Variants in MOBP observed in about 807,000 individuals in gnomAD.
The protein encoded by MOBP is myelin-associated oligodendrocyte basic protein.
In MOBP, 5 loss-of-function variants were observed where a neutral mutation model predicts 15.0. The ratio of observed to expected loss-of-function variants is 0.33; its 90% confidence interval spans 0.17 to 0.70. The LOEUF (loss-of-function observed/expected upper bound fraction) is 0.70. MOBP is among the 30% of genes least tolerant of loss of function. MOBP has a pLI of 0.67. For synonymous variants in MOBP, 88 were observed against 99.0 expected (o/e 0.89, Z 0.66); for missense variants, 188 against 257.8 (o/e 0.73, Z 1.85).
chr3:39,516,808 T>A (rs1158213356), downstream of MOBP, among the ~76,000 whole-genome samples: 1 of 152,140 alleles, frequency 6.6e-6, no homozygotes, highest in Non-Finnish European at 1.5e-5. Flanking sequence ...GAGAAAGAAA[T>A]GCAGAGTCTA....
chr3:39,510,770 C>T (rs527479728), intron 4 of MOBP, among the ~76,000 whole-genome samples: 1 of 152,230 alleles, frequency 6.6e-6, no homozygotes, highest in Admixed American at 6.5e-5. Flanking sequence ...TTTTTCTTTT[C>T]AATCTGTATG....
downstream of MOBP, among the ~76,000 whole-genome samples, chr3:39,506,039 G>A (rs1470198034): frequency 2.0e-5 from 3 of 151,980 alleles, no homozygotes; most frequent in Non-Finnish European, 4.4e-5. Flanking sequence ...GCATTCATTC[G>A]CTGATGAGGC....
At chr3:39,473,471 G>T (rs758254452) in intron 1 of MOBP, among the ~76,000 whole-genome samples, 1 of 152,318 alleles carries the variant, frequency 6.6e-6, no homozygotes, top group South Asian at 2.1e-4. Context: ...AGCAGGAGAG[G>T]CGTGCTTAAG....
At chr3:39,474,580 A>G (rs948612984) in intron 1 of MOBP, among the ~76,000 whole-genome samples, 4 of 152,212 alleles carry the variant, frequency 2.6e-5, no homozygotes, top group African/African-American at 2.4e-5. Context: ...ATGTTGTTAT[A>G]TGGCAGACGA....
intron 2 of MOBP, among the ~76,000 whole-genome samples, chr3:39,486,497 A>G (rs927896921): frequency 8.5e-5 from 13 of 152,288 alleles, no homozygotes; most frequent in African/African-American, 2.9e-4. Flanking sequence ...ATACATATGT[A>G]TAGTATATAT....
exon 5 of MOBP, chr3:39,513,978 A>C (rs1255359290): frequency 6.5e-6 from 1 of 153,056 alleles, no homozygotes; most frequent in Non-Finnish European, 1.5e-5. Context: ...GGAAGATCCA[A>C]GTTATTTTCT....
downstream of MOBP, among the ~76,000 whole-genome samples, chr3:39,520,141 C>G (rs1465067315): frequency 6.6e-6 from 1 of 152,134 alleles, no homozygotes; most frequent in Admixed American, 6.6e-5. Context: ...CAAACCAGCT[C>G]TGCTCTGACT....
chr3:39,509,218 A>G (rs2043088199), intron 4 of MOBP, among the ~76,000 whole-genome samples: 2 of 152,098 alleles, frequency 1.3e-5, no homozygotes, highest in Non-Finnish European at 1.5e-5. Flanking sequence ...TGTGAACATA[A>G]GTTTTCCTTT....
rs140869616 is a variant in MOBP at position 39,485,768 on chromosome 3, C to T, written c.-5+5645C>T. ...AGTGCCTCTGATTGGCTGCTTTCCC[C>T]CTACCTGACGTCATTTCCCCTGTTT... On this transcript the variant is annotated intron_variant, in intron 2 of 3. Transcript: ENST00000684792. 9.1e-3 allele frequency among the ~76,000 whole-genome samples: 1,393 copies of T among 152,250 alleles called. 13 individuals carry two copies. Among genetic ancestry groups the T allele is most frequent in the Non-Finnish European group, 0.012 (844 of 68,022 alleles).
At chr3:39,494,608 A>G (rs891597276) in intron 2 of MOBP, among the ~76,000 whole-genome samples, 2 of 152,192 alleles carry the variant, frequency 1.3e-5, no homozygotes, top group Non-Finnish European at 2.9e-5. Context: ...TTAATGCTTA[A>G]GTATCATCAG....
At chr3:39,513,662 C>T (rs969413267) in exon 5 of MOBP, 35 of 538,626 alleles carry the variant, frequency 6.5e-5, no homozygotes, top group Middle Eastern at 4.0e-4. Context: ...CAGCAGCACC[C>T]GCAGGCTCTA....
chr3:39,519,647 G>A (rs553412777), downstream of MOBP, among the ~76,000 whole-genome samples: 20 of 151,236 alleles, frequency 1.3e-4, no homozygotes, highest in Non-Finnish European at 2.5e-4. Flanking sequence ...TTTTCTATGC[G>A]TTTTCTCCTC....
intron 2 of MOBP, among the ~76,000 whole-genome samples, chr3:39,493,164 G>C (rs1297680688): frequency 6.6e-6 from 1 of 152,146 alleles, no homozygotes; most frequent in Non-Finnish European, 1.5e-5. Flanking sequence ...AGGAGGAAGG[G>C]TGGGAAGAAG....
At chr3:39,513,037 C>T (rs1413214982) in intron 4 of MOBP, among the ~76,000 whole-genome samples, 1 of 152,140 alleles carries the variant, frequency 6.6e-6, no homozygotes, top group Non-Finnish European at 1.5e-5. Flanking sequence ...ATCTTTACGT[C>T]TATAAGTAGT....
At chr3:39,486,406 A>G (rs1240041425) in intron 2 of MOBP, among the ~76,000 whole-genome samples, 4 of 151,992 alleles carry the variant, frequency 2.6e-5, no homozygotes, top group African/African-American at 9.7e-5. Flanking sequence ...GTCTTTTTTT[A>G]GGGTAGTCCA....
At chr3:39,509,393 T>A (rs904670218) in intron 4 of MOBP, among the ~76,000 whole-genome samples, 1 of 152,188 alleles carries the variant, frequency 6.6e-6, no homozygotes, top group African/African-American at 2.4e-5. Context: ...GCTTTAAAAA[T>A]TTTATTCATT....
chr3:39,520,372 CT>C (rs1208392976), downstream of MOBP, among the ~76,000 whole-genome samples: 1 of 152,156 alleles, frequency 6.6e-6, no homozygotes, highest in African/African-American at 2.4e-5. Flanking sequence ...GTTTTTAAGT[CT>C]TCAAAAGTCC....
chr3:39,491,015 T>C (rs1243591609), intron 2 of MOBP, among the ~76,000 whole-genome samples: 5 of 152,222 alleles, frequency 3.3e-5, no homozygotes, highest in African/African-American at 1.2e-4. Flanking sequence ...TTTTCTACTT[T>C]GTGAATTTAT....
rs1216386382 is a variant in MOBP, at chr3:39,487,518, CTTTTTTT to C, written c.-5+7412_-5+7418del. Among the ~76,000 whole-genome samples, 351 of 102,480 alleles carry C rather than the reference CTTTTTTT, an allele frequency of 3.4e-3. 4 individuals carry two copies. Among genetic ancestry groups the C allele is most frequent in the African/African-American group, 0.012 (329 of 27,498 alleles). The allele number at this position is 102,480 out of a possible 152,430, so 67.2% of individuals were successfully genotyped here. ...TGTCATTCTTTTCAGAATTTTCTTT[CTTTTTTT>C]TTTTTTTTTTTTTTTTGAGATGGAG... On this transcript the variant is annotated intron_variant, in intron 2 of 3. Transcript: ENST00000684792.
Sources: gnomAD v4.1 joint callset for allele counts (sites outside exome capture counted in the v4.1 genomes callset) on GRCh38, gnomAD v4.1.1 for gene constraint, MANE v1.5 for transcripts, NCBI Gene and HGNC (gene_info 2026-07-23, HGNC 2026-07-21) for gene names.